The following LHFPL3 variants were observed in gnomAD, a reference collection of about 807,000 sequenced individuals.
LHFPL3 encodes LHFPL tetraspan subfamily member 3, also known as LHFPL tetraspan subfamily member 3 protein.
LHFPL3 carries 5 observed loss-of-function variants against 19.3 expected under a neutral mutation model. The observed-to-expected ratio is 0.26, with a 90% confidence interval of 0.14 to 0.54. The LOEUF is 0.54. LHFPL3 is among the 20% of genes least tolerant of loss of function. LHFPL3 has a pLI of 0.94. For missense variants in LHFPL3, 249 were observed against 307.4 expected (o/e 0.81, Z 1.42); for synonymous variants, 133 against 126.2 (o/e 1.05, Z -0.36).
chr7:104,729,869 A>G (rs1793662874), intron 1 of LHFPL3, among the ~76,000 whole-genome samples: 1 of 152,044 alleles, frequency 6.6e-6, no homozygotes, highest in Admixed American at 6.6e-5. Context: ...TACATTAGGT[A>G]TATCTCCTAA....
chr7:104,609,945 A>G (rs1184522890), intron 1 of LHFPL3, among the ~76,000 whole-genome samples: 1 of 152,208 alleles, frequency 6.6e-6, no homozygotes, highest in Non-Finnish European at 1.5e-5. Context: ...TCAAACTATC[A>G]AAACTACCAG....
chr7:104,552,172 T>A (rs561144486), intron 1 of LHFPL3, among the ~76,000 whole-genome samples: 1 of 151,828 alleles, frequency 6.6e-6, no homozygotes, highest in Non-Finnish European at 1.5e-5. Flanking sequence ...CTTAAAGGAG[T>A]CTTCAGCAGC....
chr7:104,596,346 G>T (rs971800176), intron 1 of LHFPL3, among the ~76,000 whole-genome samples: 2 of 152,180 alleles, frequency 1.3e-5, no homozygotes, highest in East Asian at 1.9e-4. Flanking sequence ...GAATTTATTT[G>T]TTGAGACAAA....
At chr7:104,829,401 A>G (rs976563764) in intron 2 of LHFPL3, among the ~76,000 whole-genome samples, 13 of 151,640 alleles carry the variant, frequency 8.6e-5, no homozygotes, top group Non-Finnish European at 1.8e-4. Context: ...ACATATGTAT[A>G]CATGTGCCAT....
intron 2 of LHFPL3, among the ~76,000 whole-genome samples, chr7:104,751,294 A>C (rs1386886163): frequency 6.6e-6 from 1 of 150,816 alleles, no homozygotes; most frequent in East Asian, 1.9e-4. Context: ...TTGACTTTTG[A>C]GCAACATCTT....
chr7:104,676,117 G>T (rs748586377), intron 1 of LHFPL3, among the ~76,000 whole-genome samples: 2 of 152,136 alleles, frequency 1.3e-5, no homozygotes, highest in Non-Finnish European at 2.9e-5. Flanking sequence ...GTATAGAAGA[G>T]TAATTTATGT....
At chr7:104,620,595 G>T (rs573001076) in intron 1 of LHFPL3, among the ~76,000 whole-genome samples, 19 of 152,070 alleles carry the variant, frequency 1.2e-4, no homozygotes, top group Non-Finnish European at 2.4e-4. Context: ...CTAGCCTCCA[G>T]CTTTGTCCTT....
intron 2 of LHFPL3, among the ~76,000 whole-genome samples, chr7:104,898,932 C>A (rs1584605639): frequency 6.6e-6 from 1 of 151,858 alleles, no homozygotes; most frequent in Admixed American, 6.6e-5. Context: ...GCCTTGACAA[C>A]AAAACTCTGT....
intron 1 of LHFPL3, among the ~76,000 whole-genome samples, chr7:104,714,736 T>A (rs371132020): frequency 2.1e-3 from 317 of 152,264 alleles, no homozygotes; most frequent in African/African-American, 7.6e-3. Flanking sequence ...AAAAAGATAA[T>A]TCAGTGCTTT....
Position 104,853,839 on chromosome 7 carries a change from A to G in LHFPL3, c.683-52348A>G, listed in dbSNP as rs563945465. On this transcript the variant is annotated intron_variant, in intron 2 of 2. Transcript: ENST00000424859. ...GAGATAATCATCTTTGCCTCTATACAATGTTAGAGGTGAAATTCTAATCCT... is the reference window on the plus strand; with the variant it reads ...GAGATAATCATCTTTGCCTCTATACGATGTTAGAGGTGAAATTCTAATCCT... Among the ~76,000 whole-genome samples the G allele has an allele frequency of 1.2e-3, 183 of 152,284 alleles. 1 individual carries two copies. Among genetic ancestry groups the G allele is most frequent in the Non-Finnish European group, 2.0e-3 (134 of 68,022 alleles).
chr7:104,660,228 C>T (rs1002703375), intron 1 of LHFPL3, among the ~76,000 whole-genome samples: 1 of 152,214 alleles, frequency 6.6e-6, no homozygotes, highest in Non-Finnish European at 1.5e-5. Context: ...GTCTCGATCT[C>T]CTGACCTCAT....
intron 1 of LHFPL3, among the ~76,000 whole-genome samples, chr7:104,423,541 T>C (rs2116538864): frequency 6.6e-6 from 1 of 152,284 alleles, no homozygotes; most frequent in East Asian, 1.9e-4. Context: ...GCCTGACTAA[T>C]TTTTTATCAC....
chr7:104,860,609 C>A (rs141084945), intron 2 of LHFPL3, among the ~76,000 whole-genome samples: 1,763 of 152,288 alleles, frequency 0.012, 36 homozygotes, highest in African/African-American at 0.04. Context: ...GGTGTTTCAA[C>A]CAGACACTTT....
intron 1 of LHFPL3, among the ~76,000 whole-genome samples, chr7:104,560,656 A>C (rs1489358602): frequency 6.6e-6 from 1 of 150,522 alleles, no homozygotes; most frequent in Admixed American, 6.6e-5. Flanking sequence ...AATTTTTTTG[A>C]AGAGTTTTTT....
intron 2 of LHFPL3, among the ~76,000 whole-genome samples, chr7:104,836,464 C>T (rs752355697): frequency 5.9e-5 from 9 of 152,264 alleles, no homozygotes; most frequent in South Asian, 4.1e-4. Context: ...AGCTAGCCCA[C>T]GCAGCCACGC....
At chr7:104,592,834 C>G (rs965803022) in intron 1 of LHFPL3, among the ~76,000 whole-genome samples, 3 of 152,140 alleles carry the variant, frequency 2.0e-5, no homozygotes, top group Non-Finnish European at 1.5e-5. Flanking sequence ...TCTCTGCCAC[C>G]TTGCAGTTCA....
At chr7:104,736,953 ACAAAAAAATGGTG>A (rs530525617) in intron 2 of LHFPL3, 42 bp downstream of exon 2, 357 of 1,472,754 alleles carry the variant, frequency 2.4e-4, no homozygotes, top group South Asian at 3.7e-4. Flanking sequence ...TGCCTCAAGC[ACAAAAAAATGGTG>A]CTCTCCATTC....
At chr7:104,478,515 G>A (rs994000240) in intron 1 of LHFPL3, among the ~76,000 whole-genome samples, 5 of 152,264 alleles carry the variant, frequency 3.3e-5, no homozygotes, top group African/African-American at 1.2e-4. Flanking sequence ...GCAGCAGGGT[G>A]GGAGTGGGGA....
intron 1 of LHFPL3, among the ~76,000 whole-genome samples, chr7:104,359,939 A>G (rs368486003): frequency 6.6e-6 from 1 of 152,202 alleles, no homozygotes; most frequent in East Asian, 1.9e-4. Context: ...TCCAATGACA[A>G]TTTTCTGTAT....
Sources: gnomAD v4.1 joint callset for allele counts (sites outside exome capture counted in the v4.1 genomes callset) on GRCh38, gnomAD v4.1.1 for gene constraint, MANE v1.5 for transcripts, NCBI Gene and HGNC (gene_info 2026-07-23, HGNC 2026-07-21) for gene names.